Variants in RNF38 observed in about 807,000 individuals in gnomAD.
RNF38 encodes ring finger protein 38.
Under a neutral mutation model 67.2 loss-of-function variants are expected in RNF38, and 15 were observed. That is an observed-to-expected ratio of 0.22 (90% CI 0.15 to 0.34). The LOEUF is 0.34. Among genes scored for constraint, RNF38 ranks in the 10% least tolerant of loss-of-function variants. The pLI is 1.00. For synonymous variants in RNF38, 220 were observed against 218.8 expected (o/e 1.01, Z -0.05); for missense variants, 524 against 639.9 (o/e 0.82, Z 1.95).
At chr9:36,479,642 C>T (rs1206594191) in intron 1 of RNF38, among the ~76,000 whole-genome samples, 1 of 152,132 alleles carries the variant, frequency 6.6e-6, no homozygotes, top group African/African-American at 2.4e-5. Context: ...CAAAAGCTAT[C>T]ATCCTAATTA....
intron 1 of RNF38, 32 bp downstream of exon 1, chr9:36,400,065 T>A (rs777694489): frequency 1.0e-5 from 16 of 1,603,566 alleles, no homozygotes; most frequent in Non-Finnish European, 1.4e-5. Flanking sequence ...ATAGCATATA[T>A]CATTTTTGCA....
upstream of RNF38, among the ~76,000 whole-genome samples, chr9:36,401,931 G>T (rs1838050153): frequency 6.6e-6 from 1 of 152,184 alleles, no homozygotes; most frequent in South Asian, 2.1e-4. Context: ...GGCCTCAGCT[G>T]CAACCAGTAG....
chr9:36,361,622 GTAGT>G lies in RNF38; in HGVS notation c.571-3684_571-3681del, dbSNP rs1378611592. Among the ~76,000 whole-genome samples the G allele has an allele frequency of 5.9e-5, 9 of 152,298 alleles. No homozygotes were observed. In the East Asian group the frequency reaches 1.5e-3, roughly 26 times the overall value. On this transcript the variant is annotated intron_variant, in intron 4 of 11. Transcript: ENST00000259605. ...AAAAGGAAAATATAAGTGAAATAAA[GTAGT>G]TAGTTCTGATAGTTCTTCACTTTCA...
intron 1 of RNF38, among the ~76,000 whole-genome samples, chr9:36,443,621 A>T (rs980543689): frequency 3.3e-5 from 5 of 152,204 alleles, no homozygotes; most frequent in African/African-American, 9.6e-5. Context: ...AAATTATTTC[A>T]AGCCATCAAA....
intron 9 of RNF38, among the ~76,000 whole-genome samples, chr9:36,347,116 A>G (rs1833296791): frequency 3.2e-5 from 1 of 31,382 alleles, no homozygotes. Flanking sequence ...GGGAGACTCC[A>G]TCTCGGGGGG....
At chr9:36,441,950 A>G in intron 1 of RNF38, among the ~76,000 whole-genome samples, 1 of 152,322 alleles carries the variant, frequency 6.6e-6, no homozygotes, top group East Asian at 1.9e-4. Context: ...TTATAAACCT[A>G]TTTATTATCA....
chr9:36,479,141 T>C (rs1840190348), intron 1 of RNF38, among the ~76,000 whole-genome samples: 1 of 152,214 alleles, frequency 6.6e-6, no homozygotes, highest in Admixed American at 6.5e-5. Context: ...CAGATGATTT[T>C]TAATCCCTGC....
chr9:36,437,244 TG>T (rs1472112519), intron 1 of RNF38, among the ~76,000 whole-genome samples: 1 of 152,226 alleles, frequency 6.6e-6, no homozygotes, highest in African/African-American at 2.4e-5. Flanking sequence ...AGTCATACAA[TG>T]TATTTGGTTT....
chr9:36,384,331 G>A (rs1023064171), intron 2 of RNF38, among the ~76,000 whole-genome samples: 1 of 152,204 alleles, frequency 6.6e-6, no homozygotes, highest in African/African-American at 2.4e-5. Context: ...GAGGTGTTCT[G>A]TAAACAGCTG....
chr9:36,401,658 G>GA (rs1193342208), upstream of RNF38, among the ~76,000 whole-genome samples: 1 of 152,002 alleles, frequency 6.6e-6, no homozygotes, highest in Non-Finnish European at 1.5e-5. Flanking sequence ...ATACAAGAGA[G>GA]AAAATAAAAA....
chr9:36,390,518 A>G lies in RNF38; in HGVS notation c.111T>C (p.Ser37=). 1 of 1,614,112 alleles carries G rather than the reference A, an allele frequency of 6.2e-7. No individual in the cohort carries two copies. The highest frequency in any genetic ancestry group is 1.1e-5 in the South Asian group (1 of 91,084). The part of the protein sequence containing the change: ...RLQSLFPLLP[S]DQNTTVQEDA... ...CCTCTTGAACGGTAGTGTTCTGATC[A>G]CTTGGGAGGAGAGGGAACAGGCTCT... Residue 37 remains serine, a synonymous_variant, in exon 2 of 12, where the codon AGT becomes AGC. Coordinates refer to ENST00000259605, the MANE Select transcript of RNF38 (RefSeq NM_022781.5).
intron 1 of RNF38, among the ~76,000 whole-genome samples, chr9:36,393,592 C>G (rs1837298848): frequency 6.6e-6 from 1 of 151,654 alleles, no homozygotes; most frequent in East Asian, 2.0e-4. Context: ...CAACCCCCTT[C>G]CCCATGTGCG....
intron 3 of RNF38, 60 bp downstream of exon 3, chr9:36,375,874 A>C: frequency 6.8e-7 from 1 of 1,477,440 alleles, no homozygotes; most frequent in Non-Finnish European, 9.2e-7. Context: ...TCTGATGTTA[A>C]ATATACTCAC....
At chr9:36,482,617 T>C (rs1042085775) in intron 1 of RNF38, among the ~76,000 whole-genome samples, 1 of 152,190 alleles carries the variant, frequency 6.6e-6, no homozygotes, top group Admixed American at 6.5e-5. Context: ...CCTCCCAAAG[T>C]GCTGGGATTA....
intron 1 of RNF38, among the ~76,000 whole-genome samples, chr9:36,397,068 T>TAC: frequency 1.1e-5 from 1 of 93,108 alleles, no homozygotes; most frequent in Non-Finnish European, 2.5e-5. Context: ...TATACGTATA[T>TAC]ATATGTGTGT....
chr9:36,471,537 T>C (rs1194920508), intron 1 of RNF38, among the ~76,000 whole-genome samples: 1 of 152,176 alleles, frequency 6.6e-6, no homozygotes, highest in African/African-American at 2.4e-5. Context: ...TCAAAATCAC[T>C]TCTGAAGCGG....
In RNF38 at chr9:36,454,770, G is replaced by A. The variant is rs147382559; in HGVS notation, n.242-30087C>T. Among the ~76,000 whole-genome samples the A allele has an allele frequency of 5.1e-3, 766 of 151,200 alleles. 5 individuals are homozygous for A. The highest frequency in any genetic ancestry group is 7.2e-3 in the Non-Finnish European group (488 of 67,754). ...GCTAATTTTCTATATTTTTAGTACA[G>A]ACAGGGTTTCACCATGTTGGCCAGG... On this transcript the variant is annotated intron_variant and non_coding_transcript_variant, in intron 1 of 3. Coordinates refer to the RNF38 transcript ENST00000488058.
intron 2 of RNF38, among the ~76,000 whole-genome samples, chr9:36,376,673 C>T (rs1050885966): frequency 2.0e-5 from 3 of 152,080 alleles, no homozygotes; most frequent in Non-Finnish European, 4.4e-5. Flanking sequence ...CACCTGTAAT[C>T]CCAGCACTTT....
chr9:36,371,885 G>A (rs1835406958), intron 3 of RNF38, among the ~76,000 whole-genome samples: 1 of 151,442 alleles, frequency 6.6e-6, no homozygotes, highest in South Asian at 2.1e-4. Flanking sequence ...ACTACATTCT[G>A]GGAAATTTCC....
Sources: gnomAD v4.1 joint callset for allele counts (sites outside exome capture counted in the v4.1 genomes callset) on GRCh38, gnomAD v4.1.1 for gene constraint, MANE v1.5 for transcripts, NCBI Gene and HGNC (gene_info 2026-07-23, HGNC 2026-07-21) for gene names.